The following KALRN variants were observed in gnomAD, a reference collection of about 807,000 sequenced individuals.
KALRN encodes the protein kalirin RhoGEF kinase.
A neutral mutation model predicts 353.7 loss-of-function variants in KALRN; 70 were observed. That is an observed-to-expected ratio of 0.20 (90% confidence interval 0.16 to 0.24). KALRN has a LOEUF of 0.24. KALRN is among the 10% of genes least tolerant of loss of function. The pLI is 1.00. For missense variants in KALRN, 2,791 were observed against 3,756.7 expected (o/e 0.74, Z 6.72); for synonymous variants, 1,391 against 1,434.8 (o/e 0.97, Z 0.69).
chr3:124,350,226 C>T (rs1288083995), intron 10 of KALRN, among the ~76,000 whole-genome samples: 1 of 152,226 alleles, frequency 6.6e-6, no homozygotes, highest in African/African-American at 2.4e-5. Context: ...TGTTCCTCCA[C>T]CTTCTCACTG....
chr3:124,056,048 G>C (rs747028469), intron 1 of KALRN, among the ~76,000 whole-genome samples: 1 of 152,186 alleles, frequency 6.6e-6, no homozygotes, highest in Non-Finnish European at 1.5e-5. Flanking sequence ...AATTCCTGGA[G>C]AGCCTTTGTG....
chr3:124,245,528 G>A (rs991841676), intron 3 of KALRN, among the ~76,000 whole-genome samples: 1 of 143,790 alleles, frequency 7.0e-6, no homozygotes, highest in African/African-American at 2.8e-5. Context: ...TGGATCATAC[G>A]GTAATTTTAT....
intron 1 of KALRN, among the ~76,000 whole-genome samples, chr3:124,128,847 C>T (rs532476634): frequency 6.6e-6 from 1 of 152,108 alleles, no homozygotes; most frequent in African/African-American, 2.4e-5. Context: ...GTTCTGTGGT[C>T]CAGAGTCATC....
intron 34 of KALRN, among the ~76,000 whole-genome samples, chr3:124,565,129 A>C (rs1390227569): frequency 2.0e-5 from 3 of 152,140 alleles, no homozygotes; most frequent in Non-Finnish European, 2.9e-5. Flanking sequence ...CCTCCACTAG[A>C]TGGCAGCAGC....
intron 1 of KALRN, among the ~76,000 whole-genome samples, chr3:124,055,375 G>C (rs943970507): frequency 1.3e-5 from 2 of 152,122 alleles, no homozygotes; most frequent in Non-Finnish European, 2.9e-5. Flanking sequence ...CACTAAACAC[G>C]TCTCTTGAAT....
In KALRN at chr3:124,410,079, T is replaced by C. The variant is rs551247369; in HGVS notation, c.2347-3391T>C. 45 of 393,422 alleles carry C rather than the reference T, an allele frequency of 1.1e-4. 1 individual carries two copies. The highest frequency in any genetic ancestry group is 9.5e-4 in the African/African-American group (45 of 47,172). 24.4% of individuals were successfully genotyped at this position (393,422 alleles called of 1,614,324 possible). A position where few individuals can be genotyped will look rare whatever the true frequency, so the allele number is the denominator to read the frequency against. On this transcript the variant is annotated intron_variant, in intron 13 of 59. Transcript: ENST00000682506. ...GGTAAGGAGAGGAGATGAAAGAATA[T>C]AGAAACACCAGGTACAGAATCCTGG...
intron 1 of KALRN, among the ~76,000 whole-genome samples, chr3:124,142,235 T>C (rs1578533716): frequency 6.6e-6 from 1 of 152,196 alleles, no homozygotes; most frequent in Admixed American, 6.5e-5. Flanking sequence ...GGTCCAGAGA[T>C]GTGGAGCGAC....
chr3:124,357,713 CATATCTCT>C (rs2083579335), intron 10 of KALRN, among the ~76,000 whole-genome samples: 1 of 152,176 alleles, frequency 6.6e-6, no homozygotes, highest in African/African-American at 2.4e-5. Flanking sequence ...TTACTCTGGT[CATATCTCT>C]ATTATGGTAG....
rs1461264717 is a variant in KALRN, at chr3:124,465,712, T to A, written c.4031+3079T>A. On this transcript the variant is annotated intron_variant, in intron 25 of 59. Transcript: ENST00000682506. ...GCTTTTTAACCCCAATTGTTTGTAT[T>A]ATTCCAAAGTTGCAATTAAGCATTG... Among the ~76,000 whole-genome samples, 4 of 152,342 alleles carry A rather than the reference T, an allele frequency of 2.6e-5. No homozygotes were observed. The East Asian group carries it at 7.7e-4, about 29-fold the overall frequency.
chr3:124,621,377 A>G (rs143899492), intron 34 of KALRN, among the ~76,000 whole-genome samples: 1 of 152,342 alleles, frequency 6.6e-6, no homozygotes, highest in African/African-American at 2.4e-5. Flanking sequence ...CTGAAGTGGT[A>G]AGGTAAAGGA....
At chr3:124,137,541 C>A in intron 1 of KALRN, among the ~76,000 whole-genome samples, 1 of 152,108 alleles carries the variant, frequency 6.6e-6, no homozygotes, top group Admixed American at 6.6e-5. Flanking sequence ...GCCACCTTGT[C>A]CTTGTTTGCT....
intron 1 of KALRN, among the ~76,000 whole-genome samples, chr3:124,203,958 C>T (rs1463169083): frequency 6.6e-6 from 1 of 152,172 alleles, no homozygotes; most frequent in African/African-American, 2.4e-5. Flanking sequence ...GGAGGGCTGT[C>T]TTTTCAAATA....
intron 17 of KALRN, among the ~76,000 whole-genome samples, chr3:124,435,065 A>G (rs2093415446): frequency 6.6e-6 from 1 of 152,182 alleles, no homozygotes. Flanking sequence ...TCTACCATAC[A>G]AGTGCATTTC....
At position 124,718,933 on chromosome 3, in the gene KALRN, C is replaced by T; in HGVS notation, c.8424C>T (p.Asn2808=). The change falls in exon 60 of 60, where the codon AAC becomes AAT. Residue 2808 remains asparagine, a synonymous_variant. Transcript: ENST00000682506. ...RVAHLDIKPE[N]LLIDLRIPVP... ...TCCTTGGATCTCTGCAGCCTGAAAA[C>T]CTGCTCATTGACCTACGGATTCCAG... The T allele has an allele frequency of 6.2e-7, 1 of 1,613,754 alleles. No homozygotes were observed. Among genetic ancestry groups the T allele is most frequent in the Non-Finnish European group, 8.5e-7 (1 of 1,179,630 alleles).
chr3:124,156,659 C>T (rs566890330), intron 1 of KALRN, among the ~76,000 whole-genome samples: 192 of 152,332 alleles, frequency 1.3e-3, no homozygotes, highest in African/African-American at 4.5e-3. Flanking sequence ...GCCCCAGGAT[C>T]TGCCATTGAG....
At chr3:124,557,946 G>A (rs749441038) in intron 33 of KALRN, among the ~76,000 whole-genome samples, 4 of 152,106 alleles carry the variant, frequency 2.6e-5, no homozygotes, top group Admixed American at 1.3e-4. Flanking sequence ...AAAGCAATGC[G>A]GAATGAAGAG....
intron 1 of KALRN, among the ~76,000 whole-genome samples, chr3:124,107,155 A>G (rs2062387460): frequency 6.6e-6 from 1 of 152,146 alleles, no homozygotes; most frequent in African/African-American, 2.4e-5. Flanking sequence ...AATCTGTTAG[A>G]TGGGATAATG....
At chr3:124,614,565 CTT>C (rs34503439) in intron 34 of KALRN, among the ~76,000 whole-genome samples, 3 of 141,578 alleles carry the variant, frequency 2.1e-5, no homozygotes, top group Non-Finnish European at 1.5e-5. Flanking sequence ...TGGCTTTTTT[CTT>C]TTTTTTTTTT....
chr3:124,060,474 C>G (rs867719106), intron 1 of KALRN, among the ~76,000 whole-genome samples: 44 of 152,314 alleles, frequency 2.9e-4, no homozygotes, highest in African/African-American at 1.1e-3. Flanking sequence ...TTAGCACAAG[C>G]CTCTTAGGGG....
Sources: gnomAD v4.1 joint callset for allele counts (sites outside exome capture counted in the v4.1 genomes callset) on GRCh38, gnomAD v4.1.1 for gene constraint, MANE v1.5 for transcripts, NCBI Gene and HGNC (gene_info 2026-07-23, HGNC 2026-07-21) for gene names.